SHTN1: variants seen among roughly 807,000 people sequenced by gnomAD.
SHTN1 encodes shootin-1.
SHTN1 carries 42 observed loss-of-function variants against 83.1 expected under a neutral mutation model. The ratio of observed to expected loss-of-function variants is 0.51; its 90% CI spans 0.39 to 0.65. The LOEUF is 0.65. Among genes scored for constraint, SHTN1 ranks in the 30% least tolerant of loss-of-function variants. SHTN1 has a pLI of 0.00. For missense variants in SHTN1, 622 were observed against 737.8 expected (o/e 0.84, Z 1.82); for synonymous variants, 224 against 247.7 (o/e 0.90, Z 0.90).
intron 12 of SHTN1, among the ~76,000 whole-genome samples, chr10:116,915,975 A>C (rs1203737199): frequency 1.3e-5 from 2 of 152,280 alleles, no homozygotes; most frequent in Non-Finnish European, 2.9e-5. Context: ...GTCAAAAGAC[A>C]AACAGTAAAT....
chr10:116,907,464 C>CTGA (rs1381830437), intron 14 of SHTN1, among the ~76,000 whole-genome samples: 2 of 152,186 alleles, frequency 1.3e-5, no homozygotes, highest in Non-Finnish European at 2.9e-5. Flanking sequence ...CCTGCTGAAA[C>CTGA]TGATACTGGC....
intron 1 of SHTN1, among the ~76,000 whole-genome samples, chr10:117,112,482 T>TTG (rs1853782003): frequency 6.6e-6 from 1 of 152,350 alleles, no homozygotes; most frequent in South Asian, 2.1e-4. Context: ...TATTAAGACC[T>TTG]TACAACGCTT....
At chr10:116,958,208 T>C (rs1850052702) in intron 4 of SHTN1, among the ~76,000 whole-genome samples, 5 of 152,138 alleles carry the variant, frequency 3.3e-5, no homozygotes, top group Admixed American at 1.3e-4. Context: ...TTTGAAAGCC[T>C]CCTTTCAAAA....
chr10:117,072,953 T>C (rs1459283349), intron 1 of SHTN1, among the ~76,000 whole-genome samples: 2 of 151,440 alleles, frequency 1.3e-5, no homozygotes, highest in African/African-American at 4.9e-5. Context: ...TGCAAGGAAA[T>C]CCAAAAAATG....
intron 2 of SHTN1, among the ~76,000 whole-genome samples, chr10:117,047,000 TA>T (rs763075267): frequency 6.7e-5 from 10 of 149,340 alleles, no homozygotes; most frequent in East Asian, 2.0e-4. Flanking sequence ...GTTCTGGCAG[TA>T]AAAAAAAAGA....
At chr10:116,945,204 TA>T (rs1332209572) in intron 7 of SHTN1, among the ~76,000 whole-genome samples, 186 bp from the exon 8 acceptor site, 1 of 152,208 alleles carries the variant, frequency 6.6e-6, no homozygotes, top group East Asian at 1.9e-4. Context: ...ATCAAAAATC[TA>T]AAACTATTCA....
chr10:116,935,406 G>T (rs545379157), intron 9 of SHTN1, among the ~76,000 whole-genome samples: 1 of 152,138 alleles, frequency 6.6e-6, no homozygotes, highest in Non-Finnish European at 1.5e-5. Flanking sequence ...GGCCTTTTCT[G>T]CATCTATTGA....
chr10:116,906,815 A>G, intron 14 of SHTN1, 68 bp from the exon 15 acceptor site: 1 of 1,284,324 alleles, frequency 7.8e-7, no homozygotes, highest in Non-Finnish European at 1.0e-6. Context: ...GAATATAAAA[A>G]TCAAACCATG....
intron 16 of SHTN1, among the ~76,000 whole-genome samples, chr10:116,892,661 A>C (rs1847374666): frequency 6.6e-6 from 1 of 152,122 alleles, no homozygotes; most frequent in Non-Finnish European, 1.5e-5. Flanking sequence ...TATTTTTAAA[A>C]CTCTCTTTTA....
chr10:116,941,963 T>C (rs1849386688), intron 8 of SHTN1, among the ~76,000 whole-genome samples: 2 of 152,168 alleles, frequency 1.3e-5, no homozygotes, highest in Admixed American at 1.3e-4. Context: ...TAAAACACAT[T>C]ACAAAGTCAA....
chr10:117,090,735 G>A (rs1260268668), intron 1 of SHTN1, among the ~76,000 whole-genome samples: 2 of 138,568 alleles, frequency 1.4e-5, no homozygotes, highest in Non-Finnish European at 3.0e-5. Flanking sequence ...CAAGCCATGT[G>A]CCCTAATTTG....
chr10:116,926,396 A>T (rs1201206846), intron 11 of SHTN1, among the ~76,000 whole-genome samples: 1 of 152,204 alleles, frequency 6.6e-6, no homozygotes, highest in Non-Finnish European at 1.5e-5. Context: ...AATCCAGAAT[A>T]TCTCCTACAG....
chr10:117,025,844 G>T (rs1852326377), intron 2 of SHTN1, among the ~76,000 whole-genome samples: 1 of 152,124 alleles, frequency 6.6e-6, no homozygotes, highest in African/African-American at 2.4e-5. Context: ...TTGAAGGAAA[G>T]GATGCAGTCC....
At chr10:117,088,346 A>G (rs1490881867) in intron 1 of SHTN1, among the ~76,000 whole-genome samples, 6 of 152,278 alleles carry the variant, frequency 3.9e-5, no homozygotes, top group Non-Finnish European at 7.4e-5. Flanking sequence ...AAAATTTAGA[A>G]ATGTTTTGTT....
At position 116,886,420 on chromosome 10, in the gene SHTN1, T is replaced by C; in HGVS notation, c.1820A>G (p.Asp607Gly). Residue 607 changes from aspartate (D) to glycine (G), a missense_variant, in exon 17 of 17, where the codon GAT becomes GGT. By Grantham distance (94) the Asp-to-Gly change is moderately conservative. Coordinates refer to ENST00000355371, the MANE Select transcript of SHTN1 (RefSeq NM_001127211.3). ...GTTTTCTGGTTGAATTTCGCCTTCA[T>C]CCTCCTTGTGTTGAGTTGGATCTTT... is the stretch of plus-strand genomic sequence containing the variant. The part of the protein sequence containing the change: ...AEKDPTQHKE[D>G]EGEIQPENKE... 6.2e-7 allele frequency: 1 copy of C among 1,603,834 alleles called. No homozygotes were observed.
At chr10:117,070,682 A>C (rs901863062) in intron 1 of SHTN1, among the ~76,000 whole-genome samples, 5 of 151,302 alleles carry the variant, frequency 3.3e-5, no homozygotes, top group African/African-American at 9.7e-5. Flanking sequence ...CCTGACTTGC[A>C]TCCACTCAGG....
chr10:117,071,002 T>A (rs895738687), intron 1 of SHTN1, among the ~76,000 whole-genome samples: 1 of 151,832 alleles, frequency 6.6e-6, no homozygotes, highest in Non-Finnish European at 1.5e-5. Flanking sequence ...GAAAGAGGCT[T>A]GGAGATATCA....
rs1248563680 is a variant in SHTN1 at position 116,939,744 on chromosome 10, G to A, written c.858+722C>T. On this transcript the variant is annotated intron_variant, in intron 9 of 16. Coordinates refer to ENST00000355371, the MANE Select transcript of SHTN1 (RefSeq NM_001127211.3). The stretch of plus-strand genomic sequence containing the variant: ...TGTTGCCACAGAGGCTTTGACAGGT[G>A]GTAACAAGTAGCAGCTAACAGCCTT... Among the ~76,000 whole-genome samples, 3 of 152,304 alleles carry A rather than the reference G, an allele frequency of 2.0e-5. No individual in the cohort carries two copies. The East Asian group carries it at 5.8e-4, about 29-fold the overall frequency.
intron 1 of SHTN1, among the ~76,000 whole-genome samples, chr10:117,060,936 T>C (rs1454118721): frequency 2.0e-5 from 3 of 152,184 alleles, no homozygotes; most frequent in Non-Finnish European, 4.4e-5. Flanking sequence ...TAGATGATTC[T>C]GTTAAAGACC....
Sources: allele counts gnomAD v4.1 joint callset (sites outside exome capture counted in the v4.1 genomes callset), GRCh38; gene constraint gnomAD v4.1.1; transcripts MANE v1.5; gene names NCBI Gene and HGNC (gene_info 2026-07-23, HGNC 2026-07-21).